USP34: variants seen among roughly 807,000 people sequenced by gnomAD.
The protein encoded by USP34 is ubiquitin carboxyl-terminal hydrolase 34.
In USP34, 70 loss-of-function variants were observed where a neutral mutation model predicts 460.3. The ratio of observed to expected loss-of-function variants is 0.15; its 90% CI spans 0.13 to 0.19. The LOEUF is 0.19. USP34 is among the 10% of genes least tolerant of loss of function. USP34 has a pLI of 1.00. For missense variants in USP34, 3,985 were observed against 4,236.2 expected (o/e 0.94, Z 1.65); for synonymous variants, 1,647 against 1,405.3 (o/e 1.17, Z -3.85).
intron 8 of USP34, among the ~76,000 whole-genome samples, chr2:61,374,201 T>C (rs1346408535): frequency 6.8e-6 from 1 of 146,402 alleles, no homozygotes; most frequent in East Asian, 2.0e-4. Context: ...GGTTCAGAAG[T>C]GTTTAGATGC....
At chr2:61,462,246 A>C (rs1409379653) in intron 1 of USP34, among the ~76,000 whole-genome samples, 1 of 143,798 alleles carries the variant, frequency 7.0e-6, no homozygotes, top group Non-Finnish European at 1.5e-5. Flanking sequence ...TCTCAGGGGG[A>C]AAAAAAAAAA....
intron 27 of USP34, 137 bp from the exon 28 acceptor site, chr2:61,301,591 G>C: frequency 1.4e-6 from 1 of 729,222 alleles, no homozygotes; most frequent in South Asian, 2.0e-5. Context: ...AGAAAACTCA[G>C]TAGATTGAGG....
chr2:61,266,632 T>G (rs1478623313), intron 41 of USP34, among the ~76,000 whole-genome samples: 1 of 152,186 alleles, frequency 6.6e-6, no homozygotes, highest in Non-Finnish European at 1.5e-5. Flanking sequence ...TCTGAGAAAG[T>G]GGGTGCTGGG....
chr2:61,214,883 A>G (rs1410883284), intron 67 of USP34, among the ~76,000 whole-genome samples, 189 bp from the exon 68 acceptor site: 1 of 152,252 alleles, frequency 6.6e-6, no homozygotes, highest in Non-Finnish European at 1.5e-5. Flanking sequence ...TGATAAAAAT[A>G]GATACCTTCT....
chr2:61,227,349 C>G, intron 61 of USP34, 131 bp from the exon 62 acceptor site: 1 of 977,580 alleles, frequency 1.0e-6, no homozygotes, highest in Non-Finnish European at 1.5e-6. Flanking sequence ...TGCACAAAGA[C>G]CTAAACCTAA....
chr2:61,454,338 G>A (rs1695369778), intron 1 of USP34, among the ~76,000 whole-genome samples: 2 of 152,140 alleles, frequency 1.3e-5, no homozygotes, highest in South Asian at 4.1e-4. Flanking sequence ...TGGCCAGGCT[G>A]GTATTGAACT....
intron 57 of USP34, among the ~76,000 whole-genome samples, chr2:61,234,663 CAG>C (rs781465076): frequency 5.9e-5 from 9 of 152,086 alleles, no homozygotes; most frequent in Non-Finnish European, 1.0e-4. Flanking sequence ...TAAATTGAGA[CAG>C]AGTCTCACTC....
chr2:61,309,220 T>A (rs577287258), intron 27 of USP34, among the ~76,000 whole-genome samples: 4 of 152,268 alleles, frequency 2.6e-5, no homozygotes, highest in Admixed American at 2.0e-4. Flanking sequence ...TATGAAAACA[T>A]GAGATACATG....
At chr2:61,286,707 A>G (rs781652568) in intron 34 of USP34, among the ~76,000 whole-genome samples, 2 of 152,202 alleles carry the variant, frequency 1.3e-5, no homozygotes, top group Non-Finnish European at 2.9e-5. Flanking sequence ...CTCTGAAAAG[A>G]TAACACGAAA....
chr2:61,273,858 T>C (rs920434946), intron 41 of USP34, among the ~76,000 whole-genome samples: 4 of 152,188 alleles, frequency 2.6e-5, no homozygotes, highest in Non-Finnish European at 5.9e-5. Flanking sequence ...AAGGAAGCAT[T>C]TGTAATCAGT....
chr2:61,196,516 C>T (rs1357278567), intron 75 of USP34, among the ~76,000 whole-genome samples: 5 of 152,026 alleles, frequency 3.3e-5, no homozygotes, highest in Non-Finnish European at 7.4e-5. Context: ...TGAGCCATGG[C>T]ACCCAGCCCT....
rs1349263790 is a variant in USP34 at position 61,262,130 on chromosome 2, T to TATATAG, written c.5779-2355_5779-2354insCTATAT. Among the ~76,000 whole-genome samples the TATATAG allele has an allele frequency of 2.9e-3, 330 of 113,524 alleles. 1 individual carries two copies. The highest frequency in any genetic ancestry group is 0.016 in the East Asian group (55 of 3,454). The allele number at this position is 113,524 out of a possible 152,430, so 74.5% of individuals were successfully genotyped here. ...AAAAAAAAAAAAATATATATATATATATAGATAGATAGATAGATAGATAGA... is the reference window on the plus strand; with the variant it reads ...AAAAAAAAAAAAATATATATATATATATATAGATAGATAGATAGATAGATAGATAGA... On this transcript the variant is annotated intron_variant, in intron 43 of 79. Transcript: ENST00000398571.
intron 10 of USP34, among the ~76,000 whole-genome samples, chr2:61,365,233 C>T (rs997385606): frequency 6.7e-6 from 1 of 149,886 alleles, no homozygotes; most frequent in Non-Finnish European, 1.5e-5. Context: ...GCCTGGGCAA[C>T]AGAGCAAGAC....
Position 61,370,342 on chromosome 2 carries a change from G to T in USP34, c.1230C>A (p.Asp410Glu). 6.2e-7 allele frequency: 1 copy of T among 1,613,998 alleles called. No individual in the cohort carries two copies. The highest frequency in any genetic ancestry group is 2.2e-5 in the East Asian group (1 of 44,854). ...AEGRLSTQHI[D>E]CIWAAAQLKH... is the part of the protein sequence containing the mutation. ...TTACCTGTGCTGCAGCCCAAATACA[G>T]TCAATATGTTGAGTACTCAGTCGCC... The change falls in exon 10 of 80, where the codon GAC becomes GAA. Residue 410 changes from aspartate (D) to glutamate (E), a missense_variant. By Grantham distance (45) the Asp-to-Glu change is conservative. Around this residue, in one of 14 missense-constraint regions of USP34, gnomAD observed 716 missense variants for 626.2 expected, o/e 1.14. Coordinates refer to ENST00000398571, the MANE Select transcript of USP34 (RefSeq NM_014709.4).
chr2:61,275,836 T>C (rs1572893176), intron 41 of USP34, among the ~76,000 whole-genome samples: 1 of 152,106 alleles, frequency 6.6e-6, no homozygotes, highest in East Asian at 1.9e-4. Flanking sequence ...CAAAATTGGG[T>C]CTAATAATAT....
At chr2:61,314,497 A>T in intron 25 of USP34, 88 bp downstream of exon 25, 1 of 1,245,252 alleles carries the variant, frequency 8.0e-7, no homozygotes, top group South Asian at 2.6e-5. Context: ...ACCCCAACAA[A>T]AACTTTAGAT....
intron 3 of USP34, among the ~76,000 whole-genome samples, chr2:61,403,388 A>T (rs1380922515): frequency 6.6e-6 from 1 of 152,114 alleles, no homozygotes; most frequent in Admixed American, 6.6e-5. Flanking sequence ...ATTTCTGTGA[A>T]TTTCACATAT....
chr2:61,280,360 A>AT lies in USP34; in HGVS notation c.5152-13dup, dbSNP rs767394722. ...TCATAATCATCTATCTATTAAAAAA[A>AT]TTTTATACTTTGTGAAAACATTTTA... is the stretch of plus-strand genomic sequence containing the variant. On this transcript the variant is annotated splice_polypyrimidine_tract_variant and intron_variant, in intron 38 of 79. Transcript: ENST00000398571. 118 of 1,340,826 alleles carry AT rather than the reference A, an allele frequency of 8.8e-5. 1 individual carries two copies. In the Middle Eastern group the frequency reaches 1.6e-3, roughly 18 times the overall value. The allele number at this position is 1,340,826 out of a possible 1,614,324, so 83.1% of individuals were successfully genotyped here. A position where few individuals can be genotyped will look rare whatever the true frequency, so the allele number is the denominator to read the frequency against.
intron 8 of USP34, 119 bp from the exon 9 acceptor site, chr2:61,370,698 ACAAT>A (rs1370639697): frequency 1.3e-6 from 1 of 794,462 alleles, no homozygotes; most frequent in Non-Finnish European, 2.0e-6. Context: ...AGAATTAGAT[ACAAT>A]CAGTTTTATA....
Sources: gnomAD v4.1 joint callset for allele counts (sites outside exome capture counted in the v4.1 genomes callset) on GRCh38, gnomAD v4.1.1 for gene constraint, gnomAD v4.1.1 regional missense constraint, MANE v1.5 for transcripts, NCBI Gene and HGNC (gene_info 2026-07-23, HGNC 2026-07-21) for gene names.